Variants in TRPM3 observed in about 807,000 individuals in gnomAD.
TRPM3 encodes the protein transient receptor potential cation channel subfamily M member 3.
A neutral mutation model predicts 181.2 loss-of-function variants in TRPM3; 77 were observed. The observed-to-expected ratio is 0.42, with a 90% confidence interval of 0.35 to 0.51. TRPM3 has a LOEUF of 0.51. TRPM3 is among the 20% of genes least tolerant of loss of function. The pLI is 0.01. For synonymous variants in TRPM3, 745 were observed against 796.4 expected, an observed-to-expected ratio of 0.94 and a Z score of 1.09; for missense variants, 1,759 against 2,196.7, an observed-to-expected ratio of 0.80 and a Z score of 3.98.
chr9:70,747,469 G>A (rs371859118), intron 8 of TRPM3, among the ~76,000 whole-genome samples: 240 of 152,218 alleles, frequency 1.6e-3, no homozygotes, highest in African/African-American at 5.4e-3. Context: ...ATGGAATTTT[G>A]GACTGAAACT....
chr9:70,664,567 A>C (rs1355241169), intron 9 of TRPM3, among the ~76,000 whole-genome samples: 1 of 150,354 alleles, frequency 6.7e-6, no homozygotes, highest in African/African-American at 2.4e-5. Flanking sequence ...TTGTGTGTTT[A>C]TCCCCAGGTA....
At chr9:70,670,232 T>G (rs2062656791) in intron 9 of TRPM3, among the ~76,000 whole-genome samples, 4 of 152,246 alleles carry the variant, frequency 2.6e-5, no homozygotes, top group Non-Finnish European at 5.9e-5. Context: ...TTATTAATAC[T>G]GCCAACTTTC....
intron 1 of TRPM3, among the ~76,000 whole-genome samples, chr9:70,882,653 T>C (rs2132711316): frequency 6.6e-6 from 1 of 152,292 alleles, no homozygotes; most frequent in South Asian, 2.1e-4. Context: ...TAAACAATCA[T>C]AAAGTATGCT....
At chr9:70,945,684 G>A (rs1000361973) in intron 1 of TRPM3, among the ~76,000 whole-genome samples, 1 of 152,132 alleles carries the variant, frequency 6.6e-6, no homozygotes, top group Admixed American at 6.5e-5. Context: ...CTGAAAACCT[G>A]AGTATTGTAG....
intron 1 of TRPM3, among the ~76,000 whole-genome samples, chr9:71,104,209 C>T (rs563610641): frequency 5.9e-5 from 9 of 152,132 alleles, no homozygotes; most frequent in Non-Finnish European, 1.0e-4. Context: ...AATCACCATG[C>T]CCACCCCATT....
chr9:71,085,931 G>A (rs1338588184), intron 1 of TRPM3, among the ~76,000 whole-genome samples: 1 of 151,952 alleles, frequency 6.6e-6, no homozygotes, highest in African/African-American at 2.4e-5. Context: ...CAATAGCAAA[G>A]ACATGAAATT....
chr9:70,753,216 A>C (rs1564131075), intron 8 of TRPM3, among the ~76,000 whole-genome samples: 1 of 152,078 alleles, frequency 6.6e-6, no homozygotes, highest in Non-Finnish European at 1.5e-5. Flanking sequence ...CTGTACATTA[A>C]ATTTGAGAAT....
At chr9:71,301,255 A>G (rs2086745296) in intron 1 of TRPM3, among the ~76,000 whole-genome samples, 1 of 152,132 alleles carries the variant, frequency 6.6e-6, no homozygotes, top group African/African-American at 2.4e-5. Flanking sequence ...GAGCACCCAA[A>G]GAATGTTTGG....
intron 18 of TRPM3, among the ~76,000 whole-genome samples, chr9:70,611,397 T>TAGTG (rs2133029720): frequency 6.6e-6 from 1 of 151,172 alleles, no homozygotes; most frequent in South Asian, 2.1e-4. Context: ...GTTCTCGTGA[T>TAGTG]AGTGAGTTCT....
chr9:70,574,918 GT>G (rs1445537957), intron 22 of TRPM3, among the ~76,000 whole-genome samples: 1 of 150,928 alleles, frequency 6.6e-6, no homozygotes, highest in East Asian at 1.9e-4. Flanking sequence ...CAGTGAGCTT[GT>G]TTTTTTCTTT....
intron 1 of TRPM3, among the ~76,000 whole-genome samples, chr9:71,236,670 C>T (rs2081367208): frequency 6.6e-6 from 1 of 152,128 alleles, no homozygotes; most frequent in Non-Finnish European, 1.5e-5. Flanking sequence ...GCACCACTCC[C>T]TTCAATAAAT....
At chr9:70,885,491 T>A (rs948638809) in intron 1 of TRPM3, among the ~76,000 whole-genome samples, 2 of 152,214 alleles carry the variant, frequency 1.3e-5, no homozygotes, top group South Asian at 4.1e-4. Flanking sequence ...CAAATACCTA[T>A]GTGATTTGCC....
chr9:71,006,333 G>T (rs6560172), intron 1 of TRPM3, among the ~76,000 whole-genome samples: 117,672 of 151,914 alleles, frequency 0.77, 46,283 homozygotes, highest in African/African-American at 0.92. Context: ...TAGAAAACCC[G>T]TACTTATCAA....
chr9:71,398,098 A>T (rs1225460280), intron 1 of TRPM3, among the ~76,000 whole-genome samples: 2 of 152,164 alleles, frequency 1.3e-5, no homozygotes, highest in Non-Finnish European at 2.9e-5. Context: ...CAGCCCCATG[A>T]TCTGCCCCAT....
chr9:71,217,405 A>G (rs2079959667), intron 1 of TRPM3, among the ~76,000 whole-genome samples: 1 of 152,210 alleles, frequency 6.6e-6, no homozygotes, highest in African/African-American at 2.4e-5. Flanking sequence ...GGTTGGGGGA[A>G]AAGGAATGAA....
In TRPM3 at chr9:70,598,508, C is replaced by T. The variant is rs760896360; in HGVS notation, c.2959G>A (p.Val987Met). The change falls in exon 21 of 26, where the codon GTG (valine) becomes ATG (methionine). Residue 987 changes from valine to methionine, a missense_variant. By Grantham distance (21) the Val-to-Met change is conservative. Transcript: ENST00000677713. ...FRSDGRVIYC[V>M]NIIYWYIRLL... ...CGGATATACCAGTAAATGATGTTCA[C>T]GCAGTAGATGACCCTCCCGTCACTC... is the stretch of plus-strand genomic sequence containing the variant. The T allele has an allele frequency of 2.5e-5, 41 of 1,614,086 alleles. No homozygotes were observed. Among genetic ancestry groups the T allele is most frequent in the South Asian group, 4.4e-5 (4 of 91,086 alleles).
At chr9:71,117,481 T>C (rs997343533) in intron 1 of TRPM3, among the ~76,000 whole-genome samples, 1 of 152,078 alleles carries the variant, frequency 6.6e-6, no homozygotes, top group Non-Finnish European at 1.5e-5. Flanking sequence ...ATTCTTTCAG[T>C]CCAAATAGAC....
Position 70,979,878 on chromosome 9 carries a change from G to T in TRPM3, c.178-115367C>A, listed in dbSNP as rs71505917. On this transcript the variant is annotated intron_variant, in intron 1 of 25. Coordinates refer to ENST00000677713, the MANE Select transcript of TRPM3 (RefSeq NM_001366145.2). ...CACTGTGTCCTCACTTGGTGGGGAG[G>T]GGGAGAGGAAGGGGTAGGGACACAG... Among the ~76,000 whole-genome samples the T allele has an allele frequency of 1.7e-4, 26 of 152,212 alleles. No homozygotes were observed. In the South Asian group the frequency reaches 4.8e-3, roughly 28 times the overall value.
In TRPM3 at chr9:71,420,749, G is replaced by GAGAGAGAAAGAGAGAGAA. The variant is rs1565557220; in HGVS notation, c.183+25886_183+25903dup. ...AGAGAGAGAGAGAAAGAGAGAGAAA[G>GAGAGAGAAAGAGAGAGAA]AGAGAGAAAGAGAGAGAAAGAGAGA... On this transcript the variant is annotated intron_variant, in intron 1 of 24. Coordinates refer to the TRPM3 transcript ENST00000357533. 7.5e-4 allele frequency among the ~76,000 whole-genome samples: 74 copies of GAGAGAGAAAGAGAGAGAA among 98,034 alleles called. 1 individual carries two copies. The highest frequency in any genetic ancestry group is 3.4e-3 in the African/African-American group (71 of 21,086). The allele number at this position is 98,034 out of a possible 152,430, so 64.3% of individuals were successfully genotyped here. A position where few individuals can be genotyped will look rare whatever the true frequency, so the allele number is the denominator to read the frequency against.
Sources: gnomAD v4.1 joint callset for allele counts (sites outside exome capture counted in the v4.1 genomes callset) on GRCh38, gnomAD v4.1.1 for gene constraint, MANE v1.5 for transcripts, NCBI Gene and HGNC (gene_info 2026-07-23, HGNC 2026-07-21) for gene names.